RAB10: variants seen among roughly 807,000 people sequenced by gnomAD.
RAB10 encodes ras-related protein Rab-10.
RAB10 carries 5 observed loss-of-function variants against 25.7 expected under a neutral mutation model. That is an observed-to-expected ratio of 0.19 (90% CI 0.10 to 0.41). The LOEUF (loss-of-function observed/expected upper bound fraction) is 0.41. RAB10 is among the 10% of genes least tolerant of loss of function. The probability of loss-of-function intolerance (pLI) is 1.00; values close to 1 mark genes in which losing one functional copy is unlikely to be tolerated. For synonymous variants in RAB10, 89 were observed against 86.4 expected (o/e 1.03, Z -0.16); for missense variants, 103 against 245.8 (o/e 0.42, Z 3.89).
intron 5 of RAB10, among the ~76,000 whole-genome samples, chr2:26,131,214 A>G (rs1382435747): frequency 6.6e-6 from 1 of 151,958 alleles, no homozygotes; most frequent in Non-Finnish European, 1.5e-5. Context: ...CACAGTGGAG[A>G]AGAAGAATTG....
At chr2:26,063,423 TTA>T (rs1666451320) in intron 1 of RAB10, among the ~76,000 whole-genome samples, 2 of 81,710 alleles carry the variant, frequency 2.4e-5, no homozygotes, top group African/African-American at 4.2e-5. Flanking sequence ...CTCACATTCT[TTA>T]TGTGATTTTT....
At chr2:26,120,488 T>G (rs975262285) in intron 3 of RAB10, among the ~76,000 whole-genome samples, 2 of 152,246 alleles carry the variant, frequency 1.3e-5, no homozygotes, top group Admixed American at 6.5e-5. Context: ...GGTATATTGC[T>G]GCTTATTACT....
At chr2:26,063,885 C>G (rs1336140628) in intron 1 of RAB10, among the ~76,000 whole-genome samples, 1 of 152,156 alleles carries the variant, frequency 6.6e-6, no homozygotes, top group Non-Finnish European at 1.5e-5. Flanking sequence ...GCAACCTCTG[C>G]CTCCCGGGTT....
chr2:26,087,917 TAAAG>T (rs1001395117), intron 1 of RAB10, among the ~76,000 whole-genome samples: 19 of 152,182 alleles, frequency 1.2e-4, no homozygotes, highest in Admixed American at 2.0e-4. Context: ...TGCATACAGA[TAAAG>T]AAACAAATAC....
At chr2:26,128,725 C>G (rs1429264870) in intron 5 of RAB10, among the ~76,000 whole-genome samples, 8 of 152,124 alleles carry the variant, frequency 5.3e-5, no homozygotes, top group Non-Finnish European at 1.0e-4. Context: ...CTGAATAAAA[C>G]CTATTATGTA....
Position 26,134,978 on chromosome 2 carries a change from G to T in RAB10, c.560G>T (p.Ser187Ile), listed in dbSNP as rs746809249. 8 of 1,613,930 alleles carry T rather than the reference G, an allele frequency of 5.0e-6. No individual in the cohort carries two copies. The South Asian group carries it at 8.8e-5, about 18-fold the overall frequency. ...CCCAACAGTGAAAATGTAGATATCAGCAGTGGAGGAGGCGTGACAGGCTGG... is the reference window on the plus strand; with the variant it reads ...CCCAACAGTGAAAATGTAGATATCATCAGTGGAGGAGGCGTGACAGGCTGG... Reference protein sequence around the residue: ...KEPNSENVDISSGGGVTGWKS... With the variant: ...KEPNSENVDIISGGGVTGWKS... Residue 187 changes from serine to isoleucine, a missense_variant, in exon 6 of 6, where the codon AGC becomes ATC. Physicochemically the swap from Ser to Ile is moderately radical, Grantham distance 142 (BLOSUM62 -2). Transcript: ENST00000264710.
intron 1 of RAB10, among the ~76,000 whole-genome samples, chr2:26,074,998 G>A (rs1011155526): frequency 6.6e-6 from 1 of 152,140 alleles, no homozygotes; most frequent in African/African-American, 2.4e-5. Flanking sequence ...ACAGAAACTT[G>A]GGAAAGGTCG....
chr2:26,041,693 G>A (rs1665890289), intron 1 of RAB10, among the ~76,000 whole-genome samples: 1 of 151,268 alleles, frequency 6.6e-6, no homozygotes. Flanking sequence ...ATCACCTAAG[G>A]TCAGAGTTCG....
At chr2:26,107,292 A>G (rs919124536) in intron 2 of RAB10, among the ~76,000 whole-genome samples, 9 of 151,766 alleles carry the variant, frequency 5.9e-5, no homozygotes, top group Admixed American at 1.3e-4. Flanking sequence ...CTTAGACATA[A>G]CACTAAACAC....
chr2:26,112,357 C>A (rs1667591545), intron 3 of RAB10, among the ~76,000 whole-genome samples: 1 of 152,078 alleles, frequency 6.6e-6, no homozygotes, highest in Admixed American at 6.6e-5. Flanking sequence ...GACCAGCCCC[C>A]ATTCTGAAGC....
rs537991903 is a variant in RAB10 at position 26,085,358 on chromosome 2, C to T, written c.128-13304C>T. On this transcript the variant is annotated intron_variant, in intron 1 of 5. Coordinates refer to ENST00000264710, the MANE Select transcript of RAB10 (RefSeq NM_016131.5). ...AAAAAAAATTAGCTGGGTGTGGTGACGCGCGCCTGGTATTCTGGCTACTTG... is the reference window on the plus strand; with the variant it reads ...AAAAAAAATTAGCTGGGTGTGGTGATGCGCGCCTGGTATTCTGGCTACTTG... Among the ~76,000 whole-genome samples, 10 of 151,616 alleles carry T rather than the reference C, an allele frequency of 6.6e-5. 1 individual carries two copies. Among genetic ancestry groups the T allele is most frequent in the African/African-American group, 1.7e-4 (7 of 41,328 alleles).
chr2:26,108,793 A>G (rs1667514661), intron 2 of RAB10, among the ~76,000 whole-genome samples: 1 of 152,136 alleles, frequency 6.6e-6, no homozygotes, highest in Non-Finnish European at 1.5e-5. Context: ...TAATTATTTC[A>G]AAATAAAAGT....
intron 1 of RAB10, among the ~76,000 whole-genome samples, chr2:26,060,432 A>G (rs898240687): frequency 6.6e-6 from 1 of 152,144 alleles, no homozygotes; most frequent in Non-Finnish European, 1.5e-5. Flanking sequence ...AGCTGGGACT[A>G]CAGGCGCTCA....
intron 5 of RAB10, among the ~76,000 whole-genome samples, chr2:26,133,678 T>C (rs1668050856): frequency 6.6e-6 from 1 of 152,186 alleles, no homozygotes; most frequent in Non-Finnish European, 1.5e-5. Context: ...TTTTTCTTTT[T>C]CTTTTTATTT....
intron 1 of RAB10, among the ~76,000 whole-genome samples, chr2:26,072,227 G>A (rs781233415): frequency 7.9e-5 from 12 of 152,106 alleles, no homozygotes; most frequent in Non-Finnish European, 1.2e-4. Flanking sequence ...GACCATCCTG[G>A]CCAACATGGT....
chr2:26,034,680 C>T lies in RAB10; in HGVS notation c.72C>T (p.Cys24=), dbSNP rs1665725343. The change falls in exon 1 of 6, where the codon TGC becomes TGT. Residue 24 remains cysteine, a synonymous_variant. Transcript: ENST00000264710. ...LIGDSGVGKT[C]VLFRFSDDAF... is the part of the protein sequence containing the mutation. ...GGGATTCCGGAGTGGGGAAGACCTG[C>T]GTCCTTTTTCGTTTTTCGGATGATG... 2 of 1,614,228 alleles carry T rather than the reference C, an allele frequency of 1.2e-6. No homozygotes were observed. The highest frequency in any genetic ancestry group is 1.7e-6 in the Non-Finnish European group (2 of 1,180,040).
Position 26,118,642 on chromosome 2 carries a change from C to G in RAB10, c.328-8502C>G, listed in dbSNP as rs377287343. Among the ~76,000 whole-genome samples the G allele has an allele frequency of 7.9e-5, 12 of 152,220 alleles. No homozygotes were observed. In the East Asian group the frequency reaches 1.3e-3, roughly 17 times the overall value. ...TAAATCTGTGATTCTCAGTCAAGGA[C>G]AGTTTTACATTTGTCAATATGTGGA... On this transcript the variant is annotated intron_variant, in intron 3 of 5. Coordinates refer to ENST00000264710, the MANE Select transcript of RAB10 (RefSeq NM_016131.5).
intron 1 of RAB10, among the ~76,000 whole-genome samples, chr2:26,062,582 G>T (rs1305381023): frequency 6.6e-6 from 1 of 152,094 alleles, no homozygotes; most frequent in African/African-American, 2.4e-5. Context: ...GGAGGCTGAG[G>T]CACGAGAATT....
At chr2:26,078,566 A>G (rs901589405) in intron 1 of RAB10, among the ~76,000 whole-genome samples, 2 of 152,176 alleles carry the variant, frequency 1.3e-5, no homozygotes, top group African/African-American at 4.8e-5. Flanking sequence ...AGGCAGGACT[A>G]GGGTGATTTC....
Sources: allele counts gnomAD v4.1 joint callset (sites outside exome capture counted in the v4.1 genomes callset), GRCh38; gene constraint gnomAD v4.1.1; transcripts MANE v1.5; gene names NCBI Gene and HGNC (gene_info 2026-07-23, HGNC 2026-07-21).